Variants in NEGR1 observed in about 807,000 individuals in gnomAD.
NEGR1 encodes neuronal growth regulator 1, also known as IgLON family member 4.
A neutral mutation model predicts 40.9 loss-of-function variants in NEGR1; 10 were observed. The observed-to-expected ratio is 0.24, with a 90% CI of 0.15 to 0.42. The LOEUF is 0.42. Among genes scored for constraint, NEGR1 ranks in the 10% least tolerant of loss-of-function variants. The pLI, the probability that NEGR1 is intolerant of heterozygous loss-of-function variation, is 1.00. For synonymous variants in NEGR1, 185 were observed against 166.8 expected (o/e 1.11, Z -0.84); for missense variants, 352 against 438.9 (o/e 0.80, Z 1.77).
intron 6 of NEGR1, among the ~76,000 whole-genome samples, chr1:71,549,931 C>G (rs1441410833): frequency 6.6e-6 from 1 of 151,636 alleles, no homozygotes; most frequent in East Asian, 2.0e-4. Flanking sequence ...GAATGCATGT[C>G]TAATCTGTGC....
intron 2 of NEGR1, among the ~76,000 whole-genome samples, chr1:71,898,954 A>G (rs1661056637): frequency 8.8e-6 from 1 of 114,056 alleles, no homozygotes; most frequent in Admixed American, 9.4e-5. Context: ...TTGCAAATAT[A>G]TATATATAGC....
chr1:71,554,456 AT>A (rs1400223746), intron 6 of NEGR1, among the ~76,000 whole-genome samples: 1 of 151,304 alleles, frequency 6.6e-6, no homozygotes, highest in East Asian at 2.0e-4. Context: ...GCCTGGGTGT[AT>A]TTTTCGGTTA....
intron 4 of NEGR1, among the ~76,000 whole-genome samples, chr1:71,629,556 T>G (rs1413769045): frequency 6.6e-6 from 1 of 152,012 alleles, no homozygotes; most frequent in Non-Finnish European, 1.5e-5. Flanking sequence ...TGTATAGGAA[T>G]GCTTGTGATT....
intron 3 of NEGR1, among the ~76,000 whole-genome samples, chr1:71,765,861 T>C (rs995779470): frequency 6.6e-6 from 1 of 152,142 alleles, no homozygotes; most frequent in Non-Finnish European, 1.5e-5. Flanking sequence ...AAGTGAGCAG[T>C]GTCAAGTGAT....
intron 1 of NEGR1, among the ~76,000 whole-genome samples, chr1:72,179,584 A>G (rs1303097840): frequency 6.6e-6 from 1 of 152,110 alleles, no homozygotes; most frequent in Non-Finnish European, 1.5e-5. Flanking sequence ...TAGAATTCTA[A>G]GAACTGTGTT....
At chr1:71,418,801 A>C (rs1037530498) in intron 6 of NEGR1, among the ~76,000 whole-genome samples, 12 of 152,104 alleles carry the variant, frequency 7.9e-5, no homozygotes, top group Admixed American at 6.6e-4. Context: ...AAGAGCCGGC[A>C]TCATATTTTT....
intron 2 of NEGR1, among the ~76,000 whole-genome samples, chr1:71,833,501 T>A (rs1658910682): frequency 6.6e-6 from 1 of 152,066 alleles, no homozygotes; most frequent in Non-Finnish European, 1.5e-5. Context: ...GGGAAAAAAG[T>A]ATTTTTATGA....
intron 4 of NEGR1, among the ~76,000 whole-genome samples, chr1:71,690,627 G>C (rs1296066067): frequency 6.9e-5 from 8 of 116,308 alleles, no homozygotes; most frequent in African/African-American, 1.1e-4. Context: ...GACAGAGAGA[G>C]AGAGAGAGAG....
intron 1 of NEGR1, among the ~76,000 whole-genome samples, chr1:72,099,049 G>C (rs74447319): frequency 0.046 from 6,980 of 151,760 alleles, 398 homozygotes; most frequent in East Asian, 0.25. Context: ...CATTTAAATT[G>C]TTATTAATTA....
intron 6 of NEGR1, among the ~76,000 whole-genome samples, chr1:71,564,967 A>G (rs933321173): frequency 6.6e-6 from 1 of 152,134 alleles, no homozygotes; most frequent in Admixed American, 6.6e-5. Context: ...TACTGCTTCA[A>G]AGAGGAAGTT....
intron 1 of NEGR1, among the ~76,000 whole-genome samples, chr1:72,054,642 A>C (rs1647094339): frequency 6.6e-6 from 1 of 151,236 alleles, no homozygotes; most frequent in African/African-American, 2.4e-5. Flanking sequence ...ATCTCAGGAT[A>C]GTGTCCACCA....
At position 71,795,684 on chromosome 1, in the gene NEGR1, A is replaced by T. The variant is rs144577292; in HGVS notation, c.410-19387T>A. Among the ~76,000 whole-genome samples the T allele has an allele frequency of 4.1e-3, 624 of 152,326 alleles. 17 individuals are homozygous for T. The South Asian group carries it at 0.068, about 17-fold the overall frequency. ...GTTGTATAATATAATCTTCAACTGC[A>T]GACAAAATGAGTTAACTGGGTCCCT... On this transcript the variant is annotated intron_variant, in intron 2 of 6. Coordinates refer to ENST00000357731, the MANE Select transcript of NEGR1 (RefSeq NM_173808.3).
chr1:71,682,219 T>A (rs1393162621), intron 4 of NEGR1, among the ~76,000 whole-genome samples: 2 of 152,150 alleles, frequency 1.3e-5, no homozygotes, highest in East Asian at 3.8e-4. Context: ...TTTTCAGTTG[T>A]AAGCTTTTTA....
At chr1:71,457,623 G>T (rs1461630627) in intron 6 of NEGR1, among the ~76,000 whole-genome samples, 1 of 152,138 alleles carries the variant, frequency 6.6e-6, no homozygotes, top group East Asian at 1.9e-4. Flanking sequence ...GTAAATACTT[G>T]GACCTGACTT....
At chr1:72,200,765 G>T (rs1653176738) in intron 1 of NEGR1, among the ~76,000 whole-genome samples, 2 of 151,926 alleles carry the variant, frequency 1.3e-5, no homozygotes. Flanking sequence ...AGTAGCTAAG[G>T]ATTTCCACTC....
intron 1 of NEGR1, among the ~76,000 whole-genome samples, chr1:72,060,671 C>T (rs1422791726): frequency 1.3e-5 from 2 of 151,554 alleles, no homozygotes; most frequent in African/African-American, 4.8e-5. Flanking sequence ...CTGTGACATT[C>T]AATTTGAGTA....
At chr1:72,251,998 G>C (rs1435983154) in intron 1 of NEGR1, among the ~76,000 whole-genome samples, 1 of 152,044 alleles carries the variant, frequency 6.6e-6, no homozygotes, top group Non-Finnish European at 1.5e-5. Flanking sequence ...ACAAGTAATT[G>C]ACTATATAAG....
chr1:72,129,959 C>A (rs1306576922), intron 1 of NEGR1, among the ~76,000 whole-genome samples: 1 of 152,060 alleles, frequency 6.6e-6, no homozygotes, highest in Non-Finnish European at 1.5e-5. Flanking sequence ...TATTCAGTAC[C>A]CTTGCTTTGA....
chr1:72,137,249 T>C (rs1650502045), intron 1 of NEGR1, among the ~76,000 whole-genome samples: 1 of 152,166 alleles, frequency 6.6e-6, no homozygotes. Context: ...TTACTGGGTA[T>C]ATACCCAAAG....
Sources: allele counts gnomAD v4.1 joint callset (sites outside exome capture counted in the v4.1 genomes callset), GRCh38; gene constraint gnomAD v4.1.1; transcripts MANE v1.5; gene names NCBI Gene and HGNC (gene_info 2026-07-23, HGNC 2026-07-21).